Variants in VPS41 observed in about 807,000 individuals in gnomAD.
VPS41 encodes the protein VPS41 subunit of HOPS complex, also known as vacuolar protein sorting-associated protein 41 homolog.
In VPS41, 85 loss-of-function variants were observed where a neutral mutation model predicts 130.9. The observed-to-expected ratio is 0.65, with a 90% CI of 0.55 to 0.78. The LOEUF is 0.78. Ranked by LOEUF, VPS41 falls within the 30% of genes least tolerant of loss-of-function variation. The probability of loss-of-function intolerance (pLI) is 0.00; values close to 1 mark genes in which losing one functional copy is unlikely to be tolerated. For missense variants in VPS41, 874 were observed against 1,018.7 expected (o/e 0.86, Z 1.93); for synonymous variants, 335 against 332.9 (o/e 1.01, Z -0.07).
At chr7:38,845,644 G>A (rs980905308) in intron 4 of VPS41, among the ~76,000 whole-genome samples, 2 of 152,204 alleles carry the variant, frequency 1.3e-5, no homozygotes, top group African/African-American at 4.8e-5. Context: ...AATTTGGCAG[G>A]TAAGACAGAA....
chr7:38,869,255 T>C lies in VPS41; in HGVS notation c.61-2A>G. 1 of 1,600,116 alleles carries C rather than the reference T, an allele frequency of 6.2e-7. No individual in the cohort carries two copies. Among genetic ancestry groups the C allele is most frequent in the Non-Finnish European group, 8.5e-7 (1 of 1,173,278 alleles). ...GGGTTCCTCTTCGCTCTCTTCTTCC[T>C]GCACAAACGGCAAAGAAAAATGACA... On this transcript the variant is annotated splice_acceptor_variant, in intron 2 of 28. Coordinates refer to ENST00000310301, the MANE Select transcript of VPS41 (RefSeq NM_014396.4). LOFTEE classifies it high-confidence loss of function.
chr7:38,816,215 T>C (rs941036683), intron 7 of VPS41, among the ~76,000 whole-genome samples: 1 of 151,904 alleles, frequency 6.6e-6, no homozygotes, highest in African/African-American at 2.4e-5. Flanking sequence ...TAACATAAGG[T>C]GAATGCAACT....
rs991163973 is a variant in VPS41 at position 38,743,363 on chromosome 7, G to T, written c.2122+39C>A. 2.5e-6 allele frequency: 4 copies of T among 1,607,336 alleles called. No individual in the cohort carries two copies. The East Asian group carries it at 6.7e-5, about 27-fold the overall frequency. Reference sequence around the variant, plus strand: ...CTAGACATAACTGGTTACACTGAGAGAAAAAAAAGTTATAACCAGAGATGG... The same window carrying T: ...CTAGACATAACTGGTTACACTGAGATAAAAAAAAGTTATAACCAGAGATGG... On this transcript the variant is annotated intron_variant, in intron 24 of 28. Transcript: ENST00000310301.
At chr7:38,846,336 CTGTT>C (rs1358523940) in intron 4 of VPS41, among the ~76,000 whole-genome samples, 1 of 152,216 alleles carries the variant, frequency 6.6e-6, no homozygotes. Flanking sequence ...TCCTTTGAGA[CTGTT>C]TGCTGAAGGA....
intron 17 of VPS41, among the ~76,000 whole-genome samples, chr7:38,758,765 A>AG (rs34540734): frequency 6.6e-6 from 1 of 152,144 alleles, no homozygotes; most frequent in African/African-American, 2.4e-5. Flanking sequence ...ACCTCCAAGG[A>AG]GGGGAGAGGG....
intron 2 of VPS41, among the ~76,000 whole-genome samples, 154 bp downstream of exon 2, chr7:38,897,937 C>G (rs116149744): frequency 0.012 from 1,824 of 152,250 alleles, 36 homozygotes; most frequent in African/African-American, 0.04. Context: ...TTTAAGATAG[C>G]TGGCATATTA....
At chr7:38,790,366 G>A (rs930527260) in intron 9 of VPS41, among the ~76,000 whole-genome samples, 54 of 152,190 alleles carry the variant, frequency 3.5e-4, no homozygotes, top group South Asian at 1.0e-3. Context: ...AATTCAATAT[G>A]TTATTTAAAG....
intron 22 of VPS41, 49 bp downstream of exon 22, chr7:38,752,127 T>C: frequency 6.2e-7 from 1 of 1,609,984 alleles, no homozygotes; most frequent in Non-Finnish European, 8.5e-7. Context: ...TTACCATCAA[T>C]GACAACCTCT....
At chr7:38,859,411 C>A (rs1786054106) in intron 4 of VPS41, among the ~76,000 whole-genome samples, 1 of 152,068 alleles carries the variant, frequency 6.6e-6, no homozygotes, top group African/African-American at 2.4e-5. Context: ...CACTGACCCA[C>A]CCAGAACAAC....
chr7:38,780,770 G>C (rs1369201743), intron 10 of VPS41, among the ~76,000 whole-genome samples: 1 of 152,164 alleles, frequency 6.6e-6, no homozygotes, highest in African/African-American at 2.4e-5. Flanking sequence ...CCCCAGTGTT[G>C]GACGAGGGGC....
intron 10 of VPS41, among the ~76,000 whole-genome samples, chr7:38,781,229 G>T (rs1364799373): frequency 6.6e-6 from 1 of 152,112 alleles, no homozygotes; most frequent in South Asian, 2.1e-4. Flanking sequence ...TATAAAAAGT[G>T]ATTAATGAGA....
chr7:38,843,755 C>T (rs1444735351), intron 4 of VPS41, among the ~76,000 whole-genome samples: 1 of 151,070 alleles, frequency 6.6e-6, no homozygotes. Flanking sequence ...CAGATCTTTA[C>T]AGAAGCTGCT....
intron 28 of VPS41, 69 bp downstream of exon 28, chr7:38,726,840 A>G: frequency 3.7e-6 from 5 of 1,350,790 alleles, no homozygotes; most frequent in Non-Finnish European, 3.9e-6. Flanking sequence ...GAAGGGTTAC[A>G]GTTTAAAGCA....
At chr7:38,851,616 A>G (rs1785857552) in intron 4 of VPS41, among the ~76,000 whole-genome samples, 2 of 152,198 alleles carry the variant, frequency 1.3e-5, no homozygotes, top group Admixed American at 1.3e-4. Flanking sequence ...TTACAAATAA[A>G]ACTGATATGC....
intron 7 of VPS41, among the ~76,000 whole-genome samples, chr7:38,804,399 A>C (rs756106643): frequency 6.6e-5 from 10 of 152,116 alleles, no homozygotes; most frequent in Non-Finnish European, 1.3e-4. Flanking sequence ...TGTTCTCATC[A>C]TTTAGCTCCC....
chr7:38,906,290 A>G (rs1317080834), intron 1 of VPS41, among the ~76,000 whole-genome samples: 1 of 152,030 alleles, frequency 6.6e-6, no homozygotes, highest in East Asian at 1.9e-4. Flanking sequence ...GAACTGAACA[A>G]TTTGTGAATG....
chr7:38,907,507 C>T (rs1787294550), intron 1 of VPS41, among the ~76,000 whole-genome samples: 1 of 152,170 alleles, frequency 6.6e-6, no homozygotes, highest in Non-Finnish European at 1.5e-5. Context: ...GTGTTTCACC[C>T]ATGTATGAGA....
intron 2 of VPS41, among the ~76,000 whole-genome samples, chr7:38,882,336 C>T (rs1392785252): frequency 6.6e-6 from 1 of 152,180 alleles, no homozygotes; most frequent in Non-Finnish European, 1.5e-5. Flanking sequence ...TCACTGGTTA[C>T]CCTTTCTCTG....
At chr7:38,742,570 T>C (rs1290095372) in intron 24 of VPS41, among the ~76,000 whole-genome samples, 2 of 152,142 alleles carry the variant, frequency 1.3e-5, no homozygotes, top group East Asian at 3.8e-4. Context: ...ATAAGTAATG[T>C]GCCCAAATTC....
Sources: allele counts gnomAD v4.1 joint callset (sites outside exome capture counted in the v4.1 genomes callset), GRCh38; gene constraint gnomAD v4.1.1; transcripts MANE v1.5; gene names NCBI Gene and HGNC (gene_info 2026-07-23, HGNC 2026-07-21).